Variants in CTNNA3 observed in about 807,000 individuals in gnomAD.
The protein encoded by CTNNA3 is catenin alpha 3.
In CTNNA3, 76 loss-of-function variants were observed where a neutral mutation model predicts 95.7. The ratio of observed to expected loss-of-function variants is 0.79; its 90% CI spans 0.66 to 0.96. The LOEUF (loss-of-function observed/expected upper bound fraction) is 0.96. CTNNA3 is among the 40% of genes least tolerant of loss of function. CTNNA3 has a pLI of 0.00. For missense variants in CTNNA3, 1,191 were observed against 1,089.8 expected, an observed-to-expected ratio of 1.09 and a Z score of -1.31; for synonymous variants, 431 against 374.4, an observed-to-expected ratio of 1.15 and a Z score of -1.74.
At chr10:67,573,044 G>A (rs575404339) in intron 3 of CTNNA3, among the ~76,000 whole-genome samples, 250 of 152,292 alleles carry the variant, frequency 1.6e-3, no homozygotes, top group Admixed American at 2.4e-3. Flanking sequence ...AGCCGTGATT[G>A]TACCACTGTG....
At position 66,030,409 on chromosome 10, in the gene CTNNA3, C is replaced by G. The variant is rs2079427215; in HGVS notation, c.2159+38899G>C. On this transcript the variant is annotated intron_variant, in intron 15 of 17. Coordinates refer to ENST00000433211, the MANE Select transcript of CTNNA3 (RefSeq NM_013266.4). ...AGAAGCCAGAAATAAAGGTGAGCAT[C>G]TACAACCATTTGAACATCAAAAAAA... 2.0e-5 allele frequency among the ~76,000 whole-genome samples: 3 copies of G among 152,078 alleles called. No homozygotes were observed. In the South Asian group the frequency reaches 6.2e-4, roughly 31 times the overall value.
At chr10:66,704,448 A>C (rs1315098803) in intron 9 of CTNNA3, among the ~76,000 whole-genome samples, 1 of 152,222 alleles carries the variant, frequency 6.6e-6, no homozygotes, top group Non-Finnish European at 1.5e-5. Context: ...TAAGAAAATA[A>C]AAACACAGTA....
At chr10:67,193,205 T>C (rs2132181110) in intron 6 of CTNNA3, among the ~76,000 whole-genome samples, 1 of 152,154 alleles carries the variant, frequency 6.6e-6, no homozygotes, top group South Asian at 2.1e-4. Context: ...TAGATGGTAA[T>C]TGGTATGTTA....
intron 11 of CTNNA3, among the ~76,000 whole-genome samples, chr10:66,457,131 T>A (rs754853427): frequency 4.6e-5 from 7 of 152,090 alleles, no homozygotes; most frequent in Non-Finnish European, 1.0e-4. Flanking sequence ...AAAAAACCTT[T>A]ACAACTTGGT....
chr10:66,199,888 A>G (rs2087280669), intron 13 of CTNNA3, among the ~76,000 whole-genome samples: 1 of 130,970 alleles, frequency 7.6e-6, no homozygotes, highest in African/African-American at 3.1e-5. Flanking sequence ...TCCTGACCTC[A>G]TGATCTGCCC....
At chr10:66,393,539 C>A (rs1321430263) in intron 11 of CTNNA3, among the ~76,000 whole-genome samples, 1 of 151,940 alleles carries the variant, frequency 6.6e-6, no homozygotes, top group Non-Finnish European at 1.5e-5. Context: ...AGATGTCTAC[C>A]AACAATGAAG....
intron 5 of CTNNA3, among the ~76,000 whole-genome samples, chr10:67,357,790 A>G (rs915977044): frequency 3.2e-4 from 49 of 152,174 alleles, no homozygotes; most frequent in African/African-American, 1.2e-3. Flanking sequence ...GGGTATGAGC[A>G]CCACCATACA....
intron 11 of CTNNA3, among the ~76,000 whole-genome samples, chr10:66,478,189 T>G (rs1839392914): frequency 6.6e-6 from 1 of 152,084 alleles, no homozygotes; most frequent in Non-Finnish European, 1.5e-5. Flanking sequence ...TTGTGCAGTA[T>G]GCCCAAGATG....
chr10:67,177,102 G>T (rs1445176615), intron 7 of CTNNA3: 1 of 396,208 alleles, frequency 2.5e-6, no homozygotes, highest in Non-Finnish European at 4.9e-6. Flanking sequence ...AATTTAACAG[G>T]ACAGTATATA....
At chr10:67,726,200 T>A (rs1454686752) in intron 1 of CTNNA3, among the ~76,000 whole-genome samples, 2 of 106,426 alleles carry the variant, frequency 1.9e-5, no homozygotes, top group African/African-American at 7.8e-5. Context: ...ATATATAATA[T>A]ATCATATATT....
chr10:65,986,432 T>A (rs898154519), intron 16 of CTNNA3, among the ~76,000 whole-genome samples: 4 of 150,170 alleles, frequency 2.7e-5, no homozygotes, highest in Admixed American at 2.0e-4. Context: ...TAGTGAACAA[T>A]CTAAAAAAGA....
At chr10:66,700,352 A>C (rs1464113315) in intron 9 of CTNNA3, among the ~76,000 whole-genome samples, 14 of 152,068 alleles carry the variant, frequency 9.2e-5, no homozygotes, top group Non-Finnish European at 1.0e-4. Flanking sequence ...TTGCCTGTGG[A>C]TATCCAGTTT....
intron 7 of CTNNA3, among the ~76,000 whole-genome samples, chr10:66,857,830 T>C (rs1201498470): frequency 6.6e-6 from 1 of 152,090 alleles, no homozygotes; most frequent in African/African-American, 2.4e-5. Flanking sequence ...TTTCTAGATA[T>C]AGAATCATAT....
chr10:67,689,955 T>G (rs1298143440), intron 1 of CTNNA3, among the ~76,000 whole-genome samples: 1 of 152,196 alleles, frequency 6.6e-6, no homozygotes, highest in Admixed American at 6.5e-5. Flanking sequence ...GAGAGTCCCA[T>G]CTGGGTTGCC....
chr10:67,545,633 A>C (rs1274441968), intron 3 of CTNNA3, among the ~76,000 whole-genome samples: 2 of 152,158 alleles, frequency 1.3e-5, no homozygotes, highest in Non-Finnish European at 2.9e-5. Context: ...AAGGATTATA[A>C]AAGATCAAGA....
intron 15 of CTNNA3, among the ~76,000 whole-genome samples, chr10:66,054,673 G>A (rs1395368207): frequency 6.6e-6 from 1 of 152,030 alleles, no homozygotes; most frequent in African/African-American, 2.4e-5. Context: ...CCGTGGGTTG[G>A]CTTTTCACTT....
chr10:67,137,994 C>T (rs1023347131), intron 7 of CTNNA3, among the ~76,000 whole-genome samples: 2 of 151,682 alleles, frequency 1.3e-5, no homozygotes, highest in African/African-American at 2.4e-5. Flanking sequence ...AAATTGTGTC[C>T]TTTCTTGGGA....
intron 2 of CTNNA3, among the ~76,000 whole-genome samples, chr10:67,623,492 C>T (rs1268122740): frequency 6.6e-6 from 1 of 151,884 alleles, no homozygotes. Flanking sequence ...TTCATAGGAG[C>T]CAGGCAGGAA....
intron 1 of CTNNA3, among the ~76,000 whole-genome samples, chr10:67,739,585 G>A (rs1185450745): frequency 6.6e-6 from 1 of 151,580 alleles, no homozygotes; most frequent in Admixed American, 6.6e-5. Context: ...AAATACCTAG[G>A]AATCCACCTT....
Sources: allele counts gnomAD v4.1 joint callset (sites outside exome capture counted in the v4.1 genomes callset), GRCh38; gene constraint gnomAD v4.1.1; transcripts MANE v1.5; gene names NCBI Gene and HGNC (gene_info 2026-07-23, HGNC 2026-07-21).